The following IQGAP2 variants were observed in gnomAD, a reference collection of about 807,000 sequenced individuals.
IQGAP2 encodes IQ motif containing GTPase activating protein 2.
IQGAP2 carries 173 observed loss-of-function variants against 201.3 expected under a neutral mutation model. The observed-to-expected ratio is 0.86, with a 90% CI of 0.76 to 0.98. IQGAP2 has a LOEUF of 0.98. IQGAP2 is among the 50% of genes least tolerant of loss of function. The pLI is 0.00. For missense variants in IQGAP2, 1,687 were observed against 1,864.8 expected (o/e 0.90, Z 1.76); for synonymous variants, 675 against 673.9 (o/e 1.00, Z -0.03).
intron 2 of IQGAP2, among the ~76,000 whole-genome samples, chr5:76,537,985 G>A (rs1361538359): frequency 6.6e-6 from 1 of 151,956 alleles, no homozygotes; most frequent in Admixed American, 6.6e-5. Flanking sequence ...GAGTGTAGAG[G>A]AGGGGTGTAT....
At chr5:76,700,820 T>A (rs1580859598) in intron 33 of IQGAP2, among the ~76,000 whole-genome samples, 2 of 152,028 alleles carry the variant, frequency 1.3e-5, no homozygotes, top group Admixed American at 1.3e-4. Context: ...GAAAATAGAG[T>A]GTAAGTTTTA....
At chr5:76,684,432 A>G (rs1745561727) in intron 30 of IQGAP2, among the ~76,000 whole-genome samples, 1 of 152,230 alleles carries the variant, frequency 6.6e-6, no homozygotes, top group African/African-American at 2.4e-5. Context: ...AAAGATTTCA[A>G]GTGAAGCATT....
chr5:76,681,074 A>G (rs1325432920), intron 28 of IQGAP2, among the ~76,000 whole-genome samples: 2 of 128,382 alleles, frequency 1.6e-5, no homozygotes, highest in East Asian at 2.6e-4. Context: ...TGGGCAGCAG[A>G]GCGAGACTTT....
At chr5:76,669,933 C>T (rs1400835246) in intron 23 of IQGAP2, among the ~76,000 whole-genome samples, 1 of 152,180 alleles carries the variant, frequency 6.6e-6, no homozygotes, top group African/African-American at 2.4e-5. Context: ...AGCAATTCTT[C>T]TGCCTCAGCC....
intron 1 of IQGAP2, among the ~76,000 whole-genome samples, chr5:76,424,646 T>C (rs1424013549): frequency 6.6e-6 from 1 of 151,842 alleles, no homozygotes; most frequent in Non-Finnish European, 1.5e-5. Context: ...AGGAAAAACA[T>C]GAGATATAAT....
chr5:76,523,916 G>T (rs1022504238), intron 2 of IQGAP2, among the ~76,000 whole-genome samples: 3 of 152,032 alleles, frequency 2.0e-5, no homozygotes, highest in Non-Finnish European at 4.4e-5. Flanking sequence ...CTTTATTTAC[G>T]TACATTTTGA....
At chr5:76,509,826 C>G (rs1401018578) in intron 2 of IQGAP2, among the ~76,000 whole-genome samples, 1 of 152,164 alleles carries the variant, frequency 6.6e-6, no homozygotes, top group Non-Finnish European at 1.5e-5. Flanking sequence ...CCTCCTGGAC[C>G]TAAGGGTGTA....
At chr5:76,424,119 G>A (rs1384302025) in intron 1 of IQGAP2, among the ~76,000 whole-genome samples, 2 of 151,954 alleles carry the variant, frequency 1.3e-5, no homozygotes, top group African/African-American at 4.8e-5. Flanking sequence ...TTTTTGCCTT[G>A]GGTAATCAAA....
intron 2 of IQGAP2, among the ~76,000 whole-genome samples, chr5:76,487,182 T>C (rs1373060444): frequency 2.7e-5 from 4 of 150,888 alleles, no homozygotes; most frequent in African/African-American, 9.7e-5. Context: ...CGCTGCAACC[T>C]CCGCCTCCCA....
At chr5:76,495,168 G>T (rs1176370119) in intron 2 of IQGAP2, among the ~76,000 whole-genome samples, 1 of 152,144 alleles carries the variant, frequency 6.6e-6, no homozygotes, top group Non-Finnish European at 1.5e-5. Context: ...ATATATCTAT[G>T]TTATAAAAAT....
intron 17 of IQGAP2, among the ~76,000 whole-genome samples, chr5:76,646,678 A>G (rs1752061737): frequency 6.6e-6 from 1 of 152,156 alleles, no homozygotes; most frequent in Admixed American, 6.5e-5. Context: ...TTCTAGACTC[A>G]TTCCTGTGTT....
chr5:76,594,468 C>T (rs1746874350), intron 9 of IQGAP2, among the ~76,000 whole-genome samples: 1 of 152,034 alleles, frequency 6.6e-6, no homozygotes, highest in Admixed American at 6.6e-5. Context: ...AAGTAAAAGG[C>T]ATTGGATGTT....
At chr5:76,425,250 A>G in intron 1 of IQGAP2, among the ~76,000 whole-genome samples, 1 of 152,238 alleles carries the variant, frequency 6.6e-6, no homozygotes, top group Non-Finnish European at 1.5e-5. Flanking sequence ...TTCAACACTC[A>G]TAACACTGGT....
At chr5:76,498,189 G>A (rs1472978035) in intron 2 of IQGAP2, among the ~76,000 whole-genome samples, 1 of 152,252 alleles carries the variant, frequency 6.6e-6, no homozygotes, top group Non-Finnish European at 1.5e-5. Context: ...ACGGAGAGAT[G>A]CTTCAGCATT....
chr5:76,673,767 T>G, intron 25 of IQGAP2, 178 bp downstream of exon 25: 1 of 713,926 alleles, frequency 1.4e-6, no homozygotes, highest in South Asian at 1.9e-5. Context: ...GGGGCAATAC[T>G]TCAGTAGCAA....
At chr5:76,676,077 TCACACACACACA>T (rs34099080) in intron 27 of IQGAP2, among the ~76,000 whole-genome samples, 2,335 of 135,650 alleles carry the variant, frequency 0.017, 35 homozygotes, top group African/African-American at 0.039. Flanking sequence ...TAAGACTCTG[TCACACACACACA>T]CACACACACA....
chr5:76,641,087 A>T lies in IQGAP2; in HGVS notation c.2078A>T (p.Asn693Ile). 6.2e-7 allele frequency: 1 copy of T among 1,601,138 alleles called. No homozygotes were observed. Among genetic ancestry groups the T allele is most frequent in the Non-Finnish European group, 8.6e-7 (1 of 1,169,588 alleles). ...RKSFLHEQEE[N>I]VVKIQAFWKG... ...TCATTTTTGCATGAACAAGAAGAGA[A>T]TGTGGTCAAAATACAGGTATGTGGA... The change falls in exon 17 of 36, where the codon AAT (asparagine) becomes ATT (isoleucine). Residue 693 changes from asparagine (N) to isoleucine (I), a missense_variant. Asn to Ile is a moderately radical substitution (Grantham distance 149, BLOSUM62 -3). Coordinates refer to ENST00000274364, the MANE Select transcript of IQGAP2 (RefSeq NM_006633.5).
intron 15 of IQGAP2, among the ~76,000 whole-genome samples, chr5:76,635,234 C>T (rs1170445744): frequency 1.3e-5 from 2 of 152,156 alleles, no homozygotes; most frequent in African/African-American, 4.8e-5. Context: ...TCTTTTCCCA[C>T]GTGTCATATT....
At chr5:76,606,346 A>G (rs1189405125) in intron 12 of IQGAP2, 43 bp downstream of exon 12, 1 of 1,514,812 alleles carries the variant, frequency 6.6e-7, no homozygotes. Context: ...GTGGGAGAAG[A>G]AGGTATCTGG....
Sources: gnomAD v4.1 joint callset for allele counts (sites outside exome capture counted in the v4.1 genomes callset) on GRCh38, gnomAD v4.1.1 for gene constraint, MANE v1.5 for transcripts, NCBI Gene and HGNC (gene_info 2026-07-23, HGNC 2026-07-21) for gene names.